The following PARD3 variants were observed in gnomAD, a reference collection of about 807,000 sequenced individuals.
PARD3 encodes par-3 family cell polarity regulator, also known as partitioning defective 3 homolog.
In PARD3, 75 loss-of-function variants were observed where a neutral mutation model predicts 155.4. The observed-to-expected ratio is 0.48, with a 90% CI of 0.40 to 0.58. The LOEUF is 0.58. Among genes scored for constraint, PARD3 ranks in the 20% least tolerant of loss-of-function variants. The probability of loss-of-function intolerance (pLI) is 0.00; values close to 1 mark genes in which losing one functional copy is unlikely to be tolerated. For synonymous variants in PARD3, 576 were observed against 610.5 expected, an observed-to-expected ratio of 0.94 and a Z score of 0.83; for missense variants, 1,642 against 1,721.7, an observed-to-expected ratio of 0.95 and a Z score of 0.82.
chr10:34,431,740 CAAAAA>C (rs57001926), intron 5 of PARD3, among the ~76,000 whole-genome samples: 2 of 25,194 alleles, frequency 7.9e-5, no homozygotes, highest in African/African-American at 2.8e-4. Flanking sequence ...AACTCTGTCT[CAAAAA>C]AAAAAAAAAA....
At chr10:34,666,126 C>T (rs1199947822) in intron 2 of PARD3, among the ~76,000 whole-genome samples, 3 of 151,392 alleles carry the variant, frequency 2.0e-5, no homozygotes, top group Non-Finnish European at 2.9e-5. Flanking sequence ...AGGCTGAAGG[C>T]TGATGCGGGA....
chr10:34,176,337 CATT>C (rs34452656), intron 22 of PARD3, among the ~76,000 whole-genome samples: 4,593 of 152,222 alleles, frequency 0.03, 88 homozygotes, highest in Non-Finnish European at 0.04. Context: ...TAATATGTAA[CATT>C]ATTAAGAAAA....
At chr10:34,785,711 A>G (rs190624794) in intron 1 of PARD3, among the ~76,000 whole-genome samples, 1 of 152,328 alleles carries the variant, frequency 6.6e-6, no homozygotes, top group East Asian at 1.9e-4. Flanking sequence ...ATGTGCATTT[A>G]TAAGGCACAA....
chr10:34,793,485 T>G (rs1387672441), intron 1 of PARD3, among the ~76,000 whole-genome samples: 1 of 152,168 alleles, frequency 6.6e-6, no homozygotes, highest in East Asian at 1.9e-4. Context: ...AAGCCATCCT[T>G]AGAAAGTTTA....
chr10:34,516,501 G>A (rs2081774450), intron 3 of PARD3, among the ~76,000 whole-genome samples: 1 of 152,268 alleles, frequency 6.6e-6, no homozygotes, highest in South Asian at 2.1e-4. Flanking sequence ...CTTCCCTAAG[G>A]AGGTATTCTA....
intron 2 of PARD3, among the ~76,000 whole-genome samples, chr10:34,663,541 TC>T (rs1237810718): frequency 1.3e-5 from 2 of 152,098 alleles, no homozygotes; most frequent in Non-Finnish European, 2.9e-5. Context: ...CCGAAATATT[TC>T]TTATGCCCCA....
At position 34,382,589 on chromosome 10, in the gene PARD3, A is replaced by G; in HGVS notation, c.1350T>C (p.Gly450=). Residue 450 remains glycine, a synonymous_variant, in exon 9 of 25, where the codon GGT becomes GGC. Transcript: ENST00000374788. ...TCTTGCCTATTTTTTTGGTGTTATA[A>G]CCACTGCTTACAGTCGTACTAAATA... ...QNVFSTTVSS[G]YNTKKIGKRL... is the part of the protein sequence containing the mutation. 1.9e-6 allele frequency: 3 copies of G among 1,613,790 alleles called. No individual in the cohort carries two copies. The highest frequency in any genetic ancestry group is 2.5e-6 in the Non-Finnish European group (3 of 1,179,996).
chr10:34,785,361 C>A (rs1220421316), intron 1 of PARD3, among the ~76,000 whole-genome samples: 1 of 152,152 alleles, frequency 6.6e-6, no homozygotes, highest in African/African-American at 2.4e-5. Context: ...ATTTTATATC[C>A]TTAATTTTGC....
chr10:34,281,701 A>C (rs1956167286), intron 21 of PARD3, among the ~76,000 whole-genome samples: 2 of 152,150 alleles, frequency 1.3e-5, no homozygotes. Flanking sequence ...AAAACATTTA[A>C]AATTATATTC....
chr10:34,399,449 G>A (rs762245118), intron 6 of PARD3, 36 bp from the exon 7 acceptor site: 7 of 1,399,188 alleles, frequency 5.0e-6, no homozygotes, highest in Non-Finnish European at 7.1e-6. Flanking sequence ...GCATGAACGT[G>A]TACTGTAAAC....
At chr10:34,796,770 A>G (rs566691320) in intron 1 of PARD3, among the ~76,000 whole-genome samples, 7 of 152,328 alleles carry the variant, frequency 4.6e-5, no homozygotes, top group Admixed American at 4.6e-4. Context: ...GGATCACCTG[A>G]GGTTAGGAGT....
At chr10:34,801,414 G>T (rs1377284796) in intron 1 of PARD3, among the ~76,000 whole-genome samples, 2 of 152,172 alleles carry the variant, frequency 1.3e-5, no homozygotes, top group Admixed American at 6.5e-5. Flanking sequence ...GGTCTTCAAA[G>T]AGGAAAACAA....
chr10:34,357,163 G>C (rs1222053801), intron 14 of PARD3, among the ~76,000 whole-genome samples: 1 of 152,082 alleles, frequency 6.6e-6, no homozygotes, highest in Non-Finnish European at 1.5e-5. Context: ...GTCACTATTT[G>C]GGGGGAACAA....
chr10:34,269,919 T>G lies in PARD3; in HGVS notation c.3177-20A>C, dbSNP rs377027597. On this transcript the variant is annotated intron_variant, in intron 21 of 24. Transcript: ENST00000374788. ...TGAATCCTATGAAATCAGAACAAAG[T>G]TGAAATAAGAGAAACCTTTCCTTTT... 37 of 1,609,408 alleles carry G rather than the reference T, an allele frequency of 2.3e-5. No homozygotes were observed. The highest frequency in any genetic ancestry group is 3.0e-5 in the Non-Finnish European group (35 of 1,177,486).
intron 2 of PARD3, among the ~76,000 whole-genome samples, chr10:34,549,508 T>TG (rs1384154964): frequency 6.6e-6 from 1 of 152,166 alleles, no homozygotes; most frequent in African/African-American, 2.4e-5. Context: ...TTTGTTTGTT[T>TG]TGGCTGCTGA....
chr10:34,141,164 A>C (rs111625032), intron 22 of PARD3, among the ~76,000 whole-genome samples: 106 of 152,302 alleles, frequency 7.0e-4, no homozygotes, highest in African/African-American at 2.2e-3. Flanking sequence ...AGAAAGTCTA[A>C]ACTGAGGCTA....
chr10:34,329,470 T>C (rs1377133375), intron 19 of PARD3, among the ~76,000 whole-genome samples: 1 of 152,140 alleles, frequency 6.6e-6, no homozygotes, highest in Non-Finnish European at 1.5e-5. Flanking sequence ...GGAACCATTA[T>C]TACAAAGAGA....
rs188020107 is a variant in PARD3, at chr10:34,163,462, T to C, written c.3420-31879A>G. 3.8e-3 allele frequency among the ~76,000 whole-genome samples: 585 copies of C among 152,204 alleles called. 4 individuals carry two copies. Among genetic ancestry groups the C allele is most frequent in the Middle Eastern group, 0.014 (4 of 294 alleles). ...TGTTGTAGTTAAATAGAAAGGAATG[T>C]CGGTTTGGCTGGGACACAGAACACT... On this transcript the variant is annotated intron_variant, in intron 22 of 24. Coordinates refer to ENST00000374788, the MANE Select transcript of PARD3 (RefSeq NM_001184785.2).
At chr10:34,254,327 CG>C (rs1954522930) in intron 22 of PARD3, among the ~76,000 whole-genome samples, 1 of 151,722 alleles carries the variant, frequency 6.6e-6, no homozygotes, top group African/African-American at 2.4e-5. Context: ...TGCAGTGAGC[CG>C]AGATCGCACC....
Sources: gnomAD v4.1 joint callset for allele counts (sites outside exome capture counted in the v4.1 genomes callset) on GRCh38, gnomAD v4.1.1 for gene constraint, MANE v1.5 for transcripts, NCBI Gene and HGNC (gene_info 2026-07-23, HGNC 2026-07-21) for gene names.